Variants in ETF1 observed in about 807,000 individuals in gnomAD.
ETF1 encodes eukaryotic translation termination factor 1.
In ETF1, 4 loss-of-function variants were observed where a neutral mutation model predicts 55.1. The observed-to-expected ratio is 0.07, with a 90% CI of 0.04 to 0.17. The LOEUF is 0.17. ETF1 is among the 10% of genes least tolerant of loss of function. ETF1 has a pLI of 1.00. For synonymous variants in ETF1, 157 were observed against 182.3 expected (o/e 0.86, Z 1.12); for missense variants, 142 against 523.6 (o/e 0.27, Z 7.11).
intron 3 of ETF1, among the ~76,000 whole-genome samples, chr5:138,518,203 CAAAAAAAAAAA>C (rs35745884): frequency 1.2e-5 from 1 of 80,432 alleles, no homozygotes; most frequent in Non-Finnish European, 2.4e-5. Context: ...TGTCTCATCC[CAAAAAAAAAAA>C]AAAAAAAAAA....
intron 2 of ETF1, among the ~76,000 whole-genome samples, chr5:138,537,895 AT>A (rs1037475974): frequency 6.8e-4 from 74 of 108,112 alleles, no homozygotes; most frequent in Middle Eastern, 7.4e-3. Context: ...TATTATTATT[AT>A]TTTTTTTTTT....
intron 2 of ETF1, among the ~76,000 whole-genome samples, chr5:138,528,091 G>C (rs553083431): frequency 6.6e-6 from 1 of 152,144 alleles, no homozygotes; most frequent in Non-Finnish European, 1.5e-5. Flanking sequence ...TTCTTAAAAG[G>C]TGTTGGTTTT....
At chr5:138,510,517 C>A (rs764659540) in intron 9 of ETF1, 48 bp downstream of exon 9, 1 of 1,439,928 alleles carries the variant, frequency 6.9e-7, no homozygotes, top group Non-Finnish European at 9.8e-7. Context: ...CTCTAACACA[C>A]GGATTTACGC....
At chr5:138,510,947 C>A in intron 8 of ETF1, 98 bp downstream of exon 8, 4 of 1,534,908 alleles carry the variant, frequency 2.6e-6, no homozygotes, top group Non-Finnish European at 2.6e-6. Context: ...GTAGATCTAC[C>A]TTCTGATTGC....
At chr5:138,532,318 T>A (rs549835363) in intron 2 of ETF1, among the ~76,000 whole-genome samples, 1 of 152,196 alleles carries the variant, frequency 6.6e-6, no homozygotes, top group South Asian at 2.1e-4. Context: ...GAGCCCAGAT[T>A]CAGGCTCACG....
In ETF1 at chr5:138,536,191, A is replaced by G. The variant is rs150707243; in HGVS notation, c.86+6642T>C. Reference sequence around the variant, plus strand: ...ATCTAGTTTATAAGGTCACAGACACAGCAGGAAAACAAAAAGAACCTTTTA... The same window carrying G: ...ATCTAGTTTATAAGGTCACAGACACGGCAGGAAAACAAAAAGAACCTTTTA... On this transcript the variant is annotated intron_variant, in intron 2 of 10. Coordinates refer to ENST00000360541, the MANE Select transcript of ETF1 (RefSeq NM_004730.4). 9.4e-3 allele frequency among the ~76,000 whole-genome samples: 1,439 copies of G among 152,342 alleles called. 28 individuals carry two copies. The highest frequency in any genetic ancestry group is 0.032 in the African/African-American group (1,338 of 41,564).
intron 3 of ETF1, 80 bp downstream of exon 3, chr5:138,518,612 A>T: frequency 8.2e-7 from 1 of 1,219,048 alleles, no homozygotes; most frequent in South Asian, 1.5e-5. Context: ...AACATTAGTG[A>T]ACAAAGCACC....
At chr5:138,515,210 C>T (rs1224256762) in intron 4 of ETF1, among the ~76,000 whole-genome samples, 2 of 152,066 alleles carry the variant, frequency 1.3e-5, no homozygotes, top group African/African-American at 2.4e-5. Context: ...GTGGATCACT[C>T]GAGGTCAGGA....
intron 2 of ETF1, among the ~76,000 whole-genome samples, chr5:138,539,402 A>C (rs1044365971): frequency 6.6e-6 from 1 of 152,220 alleles, no homozygotes; most frequent in Non-Finnish European, 1.5e-5. Context: ...TTCCTTATTC[A>C]AGATACCCTC....
intron 2 of ETF1, 101 bp downstream of exon 2, chr5:138,542,732 T>C: frequency 6.5e-7 from 1 of 1,544,456 alleles, no homozygotes; most frequent in Non-Finnish European, 8.7e-7. Context: ...GGGAGTTGGC[T>C]AGTGCCTGGT....
At chr5:138,535,438 G>A (rs1046368765) in intron 2 of ETF1, among the ~76,000 whole-genome samples, 1 of 151,216 alleles carries the variant, frequency 6.6e-6, no homozygotes, top group Non-Finnish European at 1.5e-5. Flanking sequence ...GATGAATTTC[G>A]GCCAGGCGCG....
intron 2 of ETF1, among the ~76,000 whole-genome samples, chr5:138,535,861 C>G (rs1160186326): frequency 9.3e-6 from 1 of 107,344 alleles, no homozygotes; most frequent in African/African-American, 3.8e-5. Context: ...GGCGGGAAAG[C>G]GAGACTCCGC....
In ETF1 at chr5:138,507,391, T is replaced by C. The variant is rs1390103206; in HGVS notation, c.*914A>G. The C allele has an allele frequency of 6.6e-6, 1 of 152,650 alleles. No homozygotes were observed. 9.5% of individuals were successfully genotyped at this position (152,650 alleles called of 1,614,324 possible). ...CAAGGAAAACACATCCACCTCCCTTTTAACAAGGATTGACCCAAGCAAAAT... is the reference window on the plus strand; with the variant it reads ...CAAGGAAAACACATCCACCTCCCTTCTAACAAGGATTGACCCAAGCAAAAT... On this transcript the variant is annotated 3_prime_UTR_variant, in exon 11 of 11. Transcript: ENST00000360541.
chr5:138,517,792 C>G (rs749224251), intron 3 of ETF1, 92 bp from the exon 4 acceptor site: 15 of 1,326,964 alleles, frequency 1.1e-5, no homozygotes, highest in African/African-American at 1.5e-5. Context: ...TTTTCCCTGC[C>G]TGATCCTTTA....
chr5:138,509,684 C>G (rs1350711958), intron 9 of ETF1, among the ~76,000 whole-genome samples: 1 of 151,540 alleles, frequency 6.6e-6, no homozygotes, highest in African/African-American at 2.4e-5. Flanking sequence ...CACCTGAGGT[C>G]AGGAGTTCGA....
At chr5:138,535,589 C>T (rs1248839697) in intron 2 of ETF1, among the ~76,000 whole-genome samples, 1 of 150,670 alleles carries the variant, frequency 6.6e-6, no homozygotes, top group Non-Finnish European at 1.5e-5. Context: ...GCTGTGGTGG[C>T]GGGTGCCTGT....
intron 2 of ETF1, 133 bp downstream of exon 2, chr5:138,542,699 TA>T (rs1766235632): frequency 1.3e-6 from 2 of 1,501,928 alleles, no homozygotes; most frequent in Non-Finnish European, 1.8e-6. Flanking sequence ...GGTCAGGGGC[TA>T]CTACCCAGAG....
At chr5:138,527,151 C>T (rs1432290961) in intron 2 of ETF1, among the ~76,000 whole-genome samples, 1 of 152,166 alleles carries the variant, frequency 6.6e-6, no homozygotes, top group Admixed American at 6.6e-5. Flanking sequence ...AAACAGTTTT[C>T]TTTCTAACTA....
Position 138,506,099 on chromosome 5 carries a change from C to T in ETF1, c.*2206G>A, listed in dbSNP as rs1448066661. On this transcript the variant is annotated 3_prime_UTR_variant, in exon 11 of 11. Transcript: ENST00000360541. ...AAATCTCAAGCACACAAAGTATATT[C>T]TTAAATATGGTTTAATACTCTTCTC... 6.6e-6 allele frequency: 1 copy of T among 152,580 alleles called. No individual in the cohort carries two copies. The highest frequency in any genetic ancestry group is 2.4e-5 in the African/African-American group (1 of 41,430). The allele number at this position is 152,580 out of a possible 1,614,324, so 9.5% of individuals were successfully genotyped here.
Sources: gnomAD v4.1 joint callset for allele counts (sites outside exome capture counted in the v4.1 genomes callset) on GRCh38, gnomAD v4.1.1 for gene constraint, MANE v1.5 for transcripts, NCBI Gene and HGNC (gene_info 2026-07-23, HGNC 2026-07-21) for gene names.